The following PSTPIP2 variants were observed in gnomAD, a reference collection of about 807,000 sequenced individuals.
PSTPIP2 encodes proline-serine-threonine phosphatase interacting protein 2.
Under a neutral mutation model 63.3 loss-of-function variants are expected in PSTPIP2, and 33 were observed. The observed-to-expected ratio is 0.52, with a 90% CI of 0.40 to 0.70. The LOEUF is 0.70. Among genes scored for constraint, PSTPIP2 ranks in the 30% least tolerant of loss-of-function variants. The pLI is 0.00. For synonymous variants in PSTPIP2, 125 were observed against 132.7 expected, an observed-to-expected ratio of 0.94 and a Z score of 0.40; for missense variants, 312 against 400.7, an observed-to-expected ratio of 0.78 and a Z score of 1.89.
intron 1 of PSTPIP2, among the ~76,000 whole-genome samples, chr18:46,059,984 T>C (rs564378855): frequency 1.6e-4 from 24 of 152,310 alleles, no homozygotes; most frequent in African/African-American, 5.8e-4. Context: ...TGAGCTGAGA[T>C]TGCACCATTG....
intron 3 of PSTPIP2, among the ~76,000 whole-genome samples, chr18:46,020,050 G>T (rs1403715248): frequency 6.6e-6 from 1 of 152,128 alleles, no homozygotes; most frequent in Admixed American, 6.5e-5. Flanking sequence ...TGATTGAAGG[G>T]CCCCTAAAAG....
At chr18:46,055,891 A>G (rs1286820786) in intron 1 of PSTPIP2, among the ~76,000 whole-genome samples, 1 of 152,246 alleles carries the variant, frequency 6.6e-6, no homozygotes, top group Non-Finnish European at 1.5e-5. Flanking sequence ...CACTTTTAAA[A>G]GAGGATTAGG....
At chr18:45,987,869 G>A (rs2051483503) in intron 14 of PSTPIP2, among the ~76,000 whole-genome samples, 1 of 152,142 alleles carries the variant, frequency 6.6e-6, no homozygotes, top group South Asian at 2.1e-4. Context: ...AGCTACAGTT[G>A]GCTTAGCAGT....
chr18:46,050,788 C>T (rs1312988323), intron 1 of PSTPIP2, among the ~76,000 whole-genome samples: 1 of 151,718 alleles, frequency 6.6e-6, no homozygotes, highest in African/African-American at 2.4e-5. Context: ...ATGTACAGGT[C>T]CACTATATGT....
intron 3 of PSTPIP2, among the ~76,000 whole-genome samples, chr18:46,023,036 T>C (rs1025562661): frequency 1.3e-4 from 20 of 152,056 alleles, no homozygotes; most frequent in Non-Finnish European, 2.4e-4. Flanking sequence ...ATACTACATG[T>C]TCTCACTTAT....
chr18:46,001,814 A>G (rs2051670717), intron 6 of PSTPIP2, among the ~76,000 whole-genome samples: 1 of 152,148 alleles, frequency 6.6e-6, no homozygotes, highest in Admixed American at 6.6e-5. Flanking sequence ...GTTTTGATGC[A>G]GGCATGCAAT....
At chr18:46,052,667 G>A (rs767830623) in intron 1 of PSTPIP2, among the ~76,000 whole-genome samples, 1 of 152,066 alleles carries the variant, frequency 6.6e-6, no homozygotes, top group East Asian at 1.9e-4. Context: ...AAGCATAATT[G>A]AAAGAATCCT....
chr18:46,060,416 C>T (rs1908948001), intron 1 of PSTPIP2, among the ~76,000 whole-genome samples: 1 of 152,208 alleles, frequency 6.6e-6, no homozygotes, highest in Non-Finnish European at 1.5e-5. Context: ...TCATTTGAAA[C>T]ACATTGTAGT....
chr18:45,990,709 T>C lies in PSTPIP2; in HGVS notation c.955+13A>G, dbSNP rs2051519840. 1 of 1,600,774 alleles carries C rather than the reference T, an allele frequency of 6.2e-7. No individual in the cohort carries two copies. Among genetic ancestry groups the C allele is most frequent in the Non-Finnish European group, 8.6e-7 (1 of 1,168,786 alleles). On this transcript the variant is annotated intron_variant, in intron 13 of 14. Coordinates refer to ENST00000409746, the MANE Select transcript of PSTPIP2 (RefSeq NM_024430.4). Reference sequence around the variant, plus strand: ...AATATAAGAATTTCAAAAGACCTTTTTTAGTGGCATACCTGGTGAGCTTTT... The same window carrying C: ...AATATAAGAATTTCAAAAGACCTTTCTTAGTGGCATACCTGGTGAGCTTTT...
intron 1 of PSTPIP2, among the ~76,000 whole-genome samples, chr18:46,049,065 GAGA>G (rs1215186943): frequency 1.6e-4 from 24 of 151,422 alleles, no homozygotes; most frequent in Non-Finnish European, 2.8e-4. Flanking sequence ...TGGAGAGAGA[GAGA>G]AGGAGAGAGA....
At chr18:46,071,310 C>T (rs1347461344) in intron 1 of PSTPIP2, among the ~76,000 whole-genome samples, 1 of 152,198 alleles carries the variant, frequency 6.6e-6, no homozygotes, top group Non-Finnish European at 1.5e-5. Flanking sequence ...TTGCAGCCTC[C>T]TGCTCCTGTC....
rs151005992 is a variant in PSTPIP2, at chr18:46,052,744, T to C, written c.34-12697A>G. ...CAGACAAAAGTAGATTTACAGTTTC[T>C]AATACTTTTTGAACCAGAAATGAAT... On this transcript the variant is annotated intron_variant, in intron 1 of 14. Coordinates refer to ENST00000409746, the MANE Select transcript of PSTPIP2 (RefSeq NM_024430.4). Among the ~76,000 whole-genome samples, 7 of 152,340 alleles carry C rather than the reference T, an allele frequency of 4.6e-5. 1 individual carries two copies. The East Asian group carries it at 1.3e-3, about 29-fold the overall frequency.
chr18:46,002,657 C>T (rs2051679686), intron 6 of PSTPIP2, among the ~76,000 whole-genome samples: 1 of 152,048 alleles, frequency 6.6e-6, no homozygotes, highest in Non-Finnish European at 1.5e-5. Flanking sequence ...TTGTTTCTTT[C>T]ATTTGTTTCA....
At chr18:46,018,119 A>C (rs2051870472) in intron 3 of PSTPIP2, among the ~76,000 whole-genome samples, 1 of 151,898 alleles carries the variant, frequency 6.6e-6, no homozygotes, top group Non-Finnish European at 1.5e-5. Context: ...TCACTCTTTT[A>C]TTTTCTTTAA....
chr18:46,020,568 C>A (rs1170251575), intron 3 of PSTPIP2, among the ~76,000 whole-genome samples: 1 of 152,106 alleles, frequency 6.6e-6, no homozygotes, highest in Non-Finnish European at 1.5e-5. Context: ...CAGAGAACTG[C>A]TTGAACCCCG....
chr18:46,023,162 G>T (rs758907291), intron 3 of PSTPIP2, among the ~76,000 whole-genome samples: 56 of 152,078 alleles, frequency 3.7e-4, no homozygotes, highest in Non-Finnish European at 6.8e-4. Context: ...ATAACTAATG[G>T]GTACCAGGCT....
chr18:46,001,391 T>C (rs547877097), intron 6 of PSTPIP2, among the ~76,000 whole-genome samples: 1 of 152,344 alleles, frequency 6.6e-6, no homozygotes, highest in Non-Finnish European at 1.5e-5. Flanking sequence ...TTTGTATGTC[T>C]TCTTTTGAGA....
intron 6 of PSTPIP2, among the ~76,000 whole-genome samples, chr18:46,003,691 G>A (rs1334220946): frequency 6.6e-6 from 1 of 151,164 alleles, no homozygotes; most frequent in African/African-American, 2.4e-5. Flanking sequence ...GGGAACCCTT[G>A]TCAGGTTGTT....
At chr18:46,033,924 G>C (rs1360671469) in intron 2 of PSTPIP2, among the ~76,000 whole-genome samples, 2 of 152,160 alleles carry the variant, frequency 1.3e-5, no homozygotes, top group African/African-American at 4.8e-5. Context: ...GGACTTGTGA[G>C]AGAATAAATT....
Sources: allele counts gnomAD v4.1 joint callset (sites outside exome capture counted in the v4.1 genomes callset), GRCh38; gene constraint gnomAD v4.1.1; transcripts MANE v1.5; gene names NCBI Gene and HGNC (gene_info 2026-07-23, HGNC 2026-07-21).